The following ROBO2 variants were observed in gnomAD, a reference collection of about 807,000 sequenced individuals.
ROBO2 encodes roundabout homolog 2.
A neutral mutation model predicts 160.8 loss-of-function variants in ROBO2; 53 were observed. The observed-to-expected ratio is 0.33, with a 90% CI of 0.26 to 0.41. The LOEUF (loss-of-function observed/expected upper bound fraction) is 0.41. Ranked by LOEUF, ROBO2 falls within the 10% of genes least tolerant of loss-of-function variation. The pLI, the probability that ROBO2 is intolerant of heterozygous loss-of-function variation, is 1.00. For missense variants in ROBO2, 1,577 were observed against 1,722.4 expected, an observed-to-expected ratio of 0.92 and a Z score of 1.49; for synonymous variants, 664 against 611.7, an observed-to-expected ratio of 1.09 and a Z score of -1.26.
chr3:76,236,553 C>T (rs1193363157), intron 2 of ROBO2, among the ~76,000 whole-genome samples: 1 of 152,084 alleles, frequency 6.6e-6, no homozygotes, highest in South Asian at 2.1e-4. Flanking sequence ...AAGTAATTTT[C>T]GTGTTACTTT....
intron 2 of ROBO2, among the ~76,000 whole-genome samples, chr3:76,391,261 G>T (rs2077136762): frequency 6.6e-6 from 1 of 152,072 alleles, no homozygotes; most frequent in Non-Finnish European, 1.5e-5. Flanking sequence ...AAACTTAGTT[G>T]ATGATTAACA....
chr3:77,177,431 TCTTTAAAAAAAGA>T (rs2080262167), intron 2 of ROBO2, among the ~76,000 whole-genome samples: 1 of 151,994 alleles, frequency 6.6e-6, no homozygotes, highest in South Asian at 2.1e-4. Context: ...TCAAGTCTCT[TCTTTAAAAAAAGA>T]CTTTAAAAGT....
intron 2 of ROBO2, among the ~76,000 whole-genome samples, chr3:77,307,900 G>A (rs2063225287): frequency 6.6e-6 from 1 of 151,972 alleles, no homozygotes; most frequent in African/African-American, 2.4e-5. Context: ...GGTGGTTGCA[G>A]TGGGCTGAGA....
In ROBO2 at chr3:77,557,932, T is replaced by A. The variant is rs766626928; in HGVS notation, c.1232-12T>A. 1 of 1,610,630 alleles carries A rather than the reference T, an allele frequency of 6.2e-7. No homozygotes were observed. The highest frequency in any genetic ancestry group is 1.1e-5 in the South Asian group (1 of 91,032). ...TGATGTTAAAATACCTGAAAAGAGC[T>A]TTATTCTTCAGTTTTGACAGATAGA... On this transcript the variant is annotated splice_polypyrimidine_tract_variant and intron_variant, in intron 8 of 25. Coordinates refer to ENST00000461745, the Ensembl canonical transcript of ROBO2.
intron 2 of ROBO2, among the ~76,000 whole-genome samples, chr3:75,989,278 T>C (rs1378614121): frequency 6.6e-6 from 1 of 151,938 alleles, no homozygotes; most frequent in Non-Finnish European, 1.5e-5. Flanking sequence ...CTACCATGAC[T>C]GGCTAATTTT....
intron 2 of ROBO2, among the ~76,000 whole-genome samples, chr3:76,810,285 G>T (rs868377505): frequency 2.0e-5 from 3 of 152,046 alleles, no homozygotes; most frequent in Admixed American, 6.6e-5. Context: ...ACGGAGGAAG[G>T]TCACACAATC....
At chr3:76,569,094 A>G (rs1437915531) in intron 2 of ROBO2, among the ~76,000 whole-genome samples, 2 of 152,132 alleles carry the variant, frequency 1.3e-5, no homozygotes, top group Non-Finnish European at 2.9e-5. Flanking sequence ...TATTGCATGG[A>G]TCTTCTCTGC....
rs565485962 is a variant in ROBO2 at position 75,932,718 on chromosome 3, C to T, written c.-13-4763C>T. Reference sequence around the variant, plus strand: ...TGGAATTTTAATACTTTAGAGTTTTCAGGAATCTTAGAGCTGTTTTCATTT... The same window carrying T: ...TGGAATTTTAATACTTTAGAGTTTTTAGGAATCTTAGAGCTGTTTTCATTT... On this transcript the variant is annotated intron_variant, in intron 1 of 26. Coordinates refer to the ROBO2 transcript ENST00000487694. Among the ~76,000 whole-genome samples, 8 of 152,178 alleles carry T rather than the reference C, an allele frequency of 5.3e-5. No homozygotes were observed. The East Asian group carries it at 1.2e-3, about 22-fold the overall frequency.
At chr3:76,488,402 T>C (rs186244754) in intron 2 of ROBO2, among the ~76,000 whole-genome samples, 53 of 152,128 alleles carry the variant, frequency 3.5e-4, no homozygotes, top group African/African-American at 1.3e-3. Flanking sequence ...TGTTCTCTGC[T>C]GTTAGAGAAG....
intron 2 of ROBO2, among the ~76,000 whole-genome samples, chr3:76,933,106 TACTC>T (rs765553551): frequency 3.3e-5 from 5 of 152,174 alleles, no homozygotes; most frequent in Middle Eastern, 3.2e-3. Flanking sequence ...AAACTTCAAA[TACTC>T]AAGAAAGATT....
intron 2 of ROBO2, among the ~76,000 whole-genome samples, chr3:77,229,876 C>G (rs970298948): frequency 1.5e-4 from 23 of 151,992 alleles, no homozygotes; most frequent in African/African-American, 5.1e-4. Flanking sequence ...GAGATTCCCT[C>G]CATGAAGAAA....
chr3:77,631,578 T>A (rs2095164436), intron 23 of ROBO2: 1 of 152,160 alleles, frequency 6.6e-6, no homozygotes, highest in Non-Finnish European at 1.5e-5. Context: ...TTTTATTAAG[T>A]AGGAGGTTAT....
chr3:76,110,650 C>A (rs2070186284), intron 2 of ROBO2, among the ~76,000 whole-genome samples: 1 of 151,924 alleles, frequency 6.6e-6, no homozygotes, highest in South Asian at 2.1e-4. Context: ...CTTTTTACAT[C>A]CCTGTGCAGT....
chr3:77,551,187 T>A (rs958265674), intron 8 of ROBO2, among the ~76,000 whole-genome samples, 198 bp downstream of exon 9: 11 of 152,048 alleles, frequency 7.2e-5, no homozygotes, highest in Non-Finnish European at 5.9e-5. Context: ...AAAGAAGAAC[T>A]TCAGAGATAA....
chr3:76,375,700 T>C lies in ROBO2; in HGVS notation c.109+438098T>C, dbSNP rs553766902. On this transcript the variant is annotated intron_variant, in intron 2 of 26. Coordinates refer to the ROBO2 transcript ENST00000487694. ...TAGATTAAAAAAAACTAGTTGCAAG[T>C]AAAGTAGAATTCAAGCAGTGTGAAT... 4.6e-5 allele frequency among the ~76,000 whole-genome samples: 7 copies of C among 152,060 alleles called. No individual in the cohort carries two copies. The South Asian group carries it at 1.5e-3, about 32-fold the overall frequency.
chr3:77,172,408 T>C (rs575608364), intron 2 of ROBO2, among the ~76,000 whole-genome samples: 13 of 152,344 alleles, frequency 8.5e-5, no homozygotes, highest in African/African-American at 2.9e-4. Context: ...TTTTCTGATT[T>C]TTTTTTAAAA....
chr3:77,024,705 T>C (rs1040415025), intron 2 of ROBO2, among the ~76,000 whole-genome samples: 4 of 152,164 alleles, frequency 2.6e-5, no homozygotes, highest in African/African-American at 9.7e-5. Context: ...TGCATAATAA[T>C]AAACCAAATG....
intron 2 of ROBO2, among the ~76,000 whole-genome samples, chr3:76,947,968 T>C (rs1031797587): frequency 1.3e-5 from 2 of 152,228 alleles, no homozygotes; most frequent in African/African-American, 4.8e-5. Context: ...ACTTACTGCA[T>C]CTCAGAACGT....
At chr3:76,613,672 A>G (rs1041216548) in intron 2 of ROBO2, among the ~76,000 whole-genome samples, 1 of 151,942 alleles carries the variant, frequency 6.6e-6, no homozygotes, top group Non-Finnish European at 1.5e-5. Context: ...ATGTATTTGT[A>G]GAAAGGAGAG....
Sources: gnomAD v4.1 joint callset for allele counts (sites outside exome capture counted in the v4.1 genomes callset) on GRCh38, gnomAD v4.1.1 for gene constraint, MANE v1.5 for transcripts, NCBI Gene and HGNC (gene_info 2026-07-23, HGNC 2026-07-21) for gene names.